SPATA22: variants seen among roughly 807,000 people sequenced by gnomAD.
SPATA22 encodes the protein spermatogenesis-associated protein 22.
In SPATA22, 29 loss-of-function variants were observed where a neutral mutation model predicts 47.8. That is an observed-to-expected ratio of 0.61 (90% CI 0.45 to 0.83). The LOEUF (loss-of-function observed/expected upper bound fraction) is 0.83. SPATA22 is among the 40% of genes least tolerant of loss of function. SPATA22 has a pLI of 0.00. For synonymous variants in SPATA22, 133 were observed against 140.9 expected (o/e 0.94, Z 0.40); for missense variants, 410 against 421.7 (o/e 0.97, Z 0.24).
chr17:3,472,127 C>G (rs1426690373), upstream of SPATA22: 1 of 152,912 alleles, frequency 6.5e-6, no homozygotes, highest in East Asian at 1.9e-4. Flanking sequence ...TCCAGACATC[C>G]GTTTGTTAGA....
rs1451887621 is a variant in SPATA22, at chr17:3,464,989, C to T, written c.173-2222G>A. Among the ~76,000 whole-genome samples, 7 of 115,810 alleles carry T rather than the reference C, an allele frequency of 6.0e-5. 1 individual carries two copies. Among genetic ancestry groups the T allele is most frequent in the African/African-American group, 1.1e-4 (4 of 37,592 alleles). The allele number at this position is 115,810 out of a possible 152,430, so 76.0% of individuals were successfully genotyped here. Reference sequence around the variant, plus strand: ...CTGGGAAGTGAGGAGCCCCTCTGCCCGGCCAGCCGCTCCGTCCGGGAGGGA... The same window carrying T: ...CTGGGAAGTGAGGAGCCCCTCTGCCTGGCCAGCCGCTCCGTCCGGGAGGGA... On this transcript the variant is annotated intron_variant, in intron 3 of 8. Transcript: ENST00000572969.
chr17:3,476,142 TA>T, upstream of SPATA22: 1 of 1,606,854 alleles, frequency 6.2e-7, no homozygotes, highest in Non-Finnish European at 8.5e-7. Flanking sequence ...AGAAATCAGA[TA>T]AAAACTACTT....
At chr17:3,487,628 T>C (rs73309196) in intron 1 of SPATA22, among the ~76,000 whole-genome samples, 161 of 152,340 alleles carry the variant, frequency 1.1e-3, no homozygotes, top group African/African-American at 3.7e-3. Context: ...TATTTGGATA[T>C]TTAGCTTACT....
chr17:3,449,486 G>A (rs113613439), intron 5 of SPATA22, among the ~76,000 whole-genome samples: 12 of 152,316 alleles, frequency 7.9e-5, no homozygotes, highest in South Asian at 4.1e-4. Context: ...TATGATAGTA[G>A]TTGTATCCAA....
intron 5 of SPATA22, among the ~76,000 whole-genome samples, chr17:3,459,033 A>G (rs992365605): frequency 6.6e-6 from 1 of 152,202 alleles, no homozygotes; most frequent in African/African-American, 2.4e-5. Flanking sequence ...GCTAAGTGAA[A>G]TAAGTCAGAC....
chr17:3,464,608 T>C (rs1293476336), intron 3 of SPATA22, among the ~76,000 whole-genome samples: 1 of 138,334 alleles, frequency 7.2e-6, no homozygotes. Flanking sequence ...TCGTCTGAGA[T>C]GTGGGGAGCA....
chr17:3,484,526 G>A (rs1369539271), intron 1 of SPATA22, among the ~76,000 whole-genome samples: 3 of 152,086 alleles, frequency 2.0e-5, no homozygotes, highest in African/African-American at 7.2e-5. Context: ...GTGTTTGGGG[G>A]AGGAAAGGAA....
intron 1 of SPATA22, among the ~76,000 whole-genome samples, chr17:3,507,486 A>G (rs1034600427): frequency 7.2e-5 from 11 of 152,214 alleles, no homozygotes; most frequent in Admixed American, 2.6e-4. Context: ...AGTAAGTGAG[A>G]TACATTTTTT....
In SPATA22 at chr17:3,485,199, G is replaced by A. The variant is rs539516538; in HGVS notation, c.-73-15801C>T. 1.2e-3 allele frequency among the ~76,000 whole-genome samples: 185 copies of A among 151,994 alleles called. 1 individual carries two copies. Among genetic ancestry groups the A allele is most frequent in the Middle Eastern group, 3.4e-3 (1 of 294 alleles). ...ACATTCAGCTAATTTTTTATTTTTTGTAGAGACAGGATCTCAGTATGATCA... is the reference window on the plus strand; with the variant it reads ...ACATTCAGCTAATTTTTTATTTTTTATAGAGACAGGATCTCAGTATGATCA... On this transcript the variant is annotated intron_variant, in intron 1 of 8. Transcript: ENST00000541913. The surrounding 1 kb of genome is among the most constrained non-coding windows in gnomAD (Gnocchi z 4.4).
chr17:3,443,196 A>C lies in SPATA22; in HGVS notation c.878T>G (p.Leu293Arg). ...CACGATTTCATAAAAGACACAAGGC[A>C]GAGTATTTTTCCCATCCCTCATAAG... is the stretch of plus-strand genomic sequence containing the variant. ...TFLMRDGKNTLPCVFYEIDRE... is the reference protein window; with the variant it reads ...TFLMRDGKNTRPCVFYEIDRE... Residue 293 changes from leucine (L) to arginine (R), a missense_variant, in exon 8 of 9, where the codon CTG (leucine) becomes CGG (arginine). Physicochemically the swap from Leu to Arg is moderately radical, Grantham distance 102. Coordinates refer to ENST00000572969, the MANE Select transcript of SPATA22 (RefSeq NM_001170698.2). 6.2e-7 allele frequency: 1 copy of C among 1,610,088 alleles called. No individual in the cohort carries two copies.
chr17:3,464,566 G>C (rs1006428016), intron 3 of SPATA22, among the ~76,000 whole-genome samples: 2 of 140,326 alleles, frequency 1.4e-5, no homozygotes, highest in African/African-American at 5.1e-5. Flanking sequence ...ATCCCATCTA[G>C]GAAGTGAGGA....
intron 1 of SPATA22, chr17:3,501,313 G>A (rs560094700): frequency 6.6e-6 from 1 of 152,346 alleles, no homozygotes; most frequent in East Asian, 1.9e-4. Flanking sequence ...ATCCGTGGGA[G>A]GAGATCAAAA....
chr17:3,482,078 T>C (rs1199583521), intron 1 of SPATA22, among the ~76,000 whole-genome samples: 1 of 152,198 alleles, frequency 6.6e-6, no homozygotes. Flanking sequence ...TTACACGTTT[T>C]ATCCAGACAG....
At chr17:3,480,315 T>C (rs2073605506) in intron 1 of SPATA22, among the ~76,000 whole-genome samples, 1 of 152,244 alleles carries the variant, frequency 6.6e-6, no homozygotes, top group African/African-American at 2.4e-5. Context: ...CAGAGTTTTA[T>C]TATTACTCAA....
chr17:3,471,903 C>T, upstream of SPATA22: 12 of 977,040 alleles, frequency 1.2e-5, no homozygotes, highest in Non-Finnish European at 1.5e-5. Flanking sequence ...TGCCTGGCCG[C>T]CCTTGGCCGG....
chr17:3,491,315 C>CT (rs1223178744), intron 1 of SPATA22, among the ~76,000 whole-genome samples: 5 of 151,860 alleles, frequency 3.3e-5, no homozygotes, highest in Non-Finnish European at 5.9e-5. Flanking sequence ...AGGTAATGGT[C>CT]TTTTTTTTCT....
At chr17:3,464,875 T>G (rs1241198817) in intron 3 of SPATA22, among the ~76,000 whole-genome samples, 1 of 95,428 alleles carries the variant, frequency 1.0e-5, no homozygotes, top group South Asian at 3.4e-4. Flanking sequence ...AGCCACCCCG[T>G]CTGGGAGGGG....
At chr17:3,494,718 C>T (rs1274624289) in intron 1 of SPATA22, among the ~76,000 whole-genome samples, 2 of 152,106 alleles carry the variant, frequency 1.3e-5, no homozygotes, top group African/African-American at 2.4e-5. Context: ...AAAAGTCTAA[C>T]TTTAGTCTAG....
chr17:3,443,347 T>C, intron 7 of SPATA22, 76 bp from the exon 8 acceptor site: 1 of 985,410 alleles, frequency 1.0e-6, no homozygotes. Context: ...GAAGCTGATG[T>C]TTAAATAACT....
Sources: gnomAD v4.1 joint callset for allele counts (sites outside exome capture counted in the v4.1 genomes callset) on GRCh38, gnomAD v4.1.1 for gene constraint, Gnocchi (gnomAD v3.1) non-coding constraint, MANE v1.5 for transcripts, NCBI Gene and HGNC (gene_info 2026-07-23, HGNC 2026-07-21) for gene names.